TRERF1: variants seen among roughly 807,000 people sequenced by gnomAD.
TRERF1 encodes transcriptional-regulating factor 1.
Under a neutral mutation model 122.9 loss-of-function variants are expected in TRERF1, and 27 were observed. The ratio of observed to expected loss-of-function variants is 0.22; its 90% CI spans 0.16 to 0.30. TRERF1 has a LOEUF of 0.30. TRERF1 is among the 10% of genes least tolerant of loss of function. TRERF1 has a pLI of 1.00. For missense variants in TRERF1, 1,248 were observed against 1,560.3 expected, an observed-to-expected ratio of 0.80 and a Z score of 3.37; for synonymous variants, 636 against 641.7, an observed-to-expected ratio of 0.99 and a Z score of 0.13.
intron 3 of TRERF1, among the ~76,000 whole-genome samples, chr6:42,352,180 A>C (rs1769587538): frequency 6.6e-6 from 1 of 151,934 alleles, no homozygotes; most frequent in Non-Finnish European, 1.5e-5. Flanking sequence ...TTTTTTATGG[A>C]GATGGGGTTT....
intron 2 of TRERF1, among the ~76,000 whole-genome samples, chr6:42,447,617 A>G (rs1294677961): frequency 2.0e-4 from 31 of 152,202 alleles, no homozygotes; most frequent in Non-Finnish European, 8.8e-5. Flanking sequence ...GCTGAATTCA[A>G]CCGCCTTTAG....
At chr6:42,375,277 G>T (rs373840434) in intron 2 of TRERF1, among the ~76,000 whole-genome samples, 1 of 152,166 alleles carries the variant, frequency 6.6e-6, no homozygotes, top group Non-Finnish European at 1.5e-5. Flanking sequence ...ATGCAAGCCC[G>T]AAATCCAAGA....
At chr6:42,284,844 G>A (rs1347155097) in intron 4 of TRERF1, among the ~76,000 whole-genome samples, 5 of 152,192 alleles carry the variant, frequency 3.3e-5, no homozygotes, top group Non-Finnish European at 7.3e-5. Context: ...GCATTCAAAT[G>A]TCAGGTAAGT....
chr6:42,371,157 G>T (rs1263383913), intron 2 of TRERF1, among the ~76,000 whole-genome samples: 1 of 152,184 alleles, frequency 6.6e-6, no homozygotes, highest in Non-Finnish European at 1.5e-5. Flanking sequence ...AGAACTGAGA[G>T]TTCAAAGGCC....
intron 4 of TRERF1, among the ~76,000 whole-genome samples, chr6:42,288,255 C>G (rs966673719): frequency 1.3e-5 from 2 of 151,860 alleles, no homozygotes; most frequent in African/African-American, 4.8e-5. Context: ...TAATTTTACA[C>G]CTGTCATGAG....
chr6:42,283,435 G>A (rs1282878479), intron 4 of TRERF1, among the ~76,000 whole-genome samples: 1 of 152,054 alleles, frequency 6.6e-6, no homozygotes, highest in Non-Finnish European at 1.5e-5. Context: ...AATCTGGAAG[G>A]ATCCAAGAAA....
chr6:42,263,691 G>A lies in TRERF1; in HGVS notation c.1636-123C>T, dbSNP rs1207759846. 6.2e-6 allele frequency: 8 copies of A among 1,281,278 alleles called. No individual in the cohort carries two copies. The highest frequency in any genetic ancestry group is 3.0e-5 in the Admixed American group (1 of 33,256). The allele number at this position is 1,281,278 out of a possible 1,614,324, so 79.4% of individuals were successfully genotyped here. The stretch of plus-strand genomic sequence containing the variant: ...GGGTGATAGAGAACCGCTGCAGGGC[G>A]ATTTCCTTCCTGCAATCCTGAGTCC... On this transcript the variant is annotated intron_variant, in intron 7 of 17. Coordinates refer to ENST00000372922, the Ensembl canonical transcript of TRERF1. This position sits in a 1 kb window ranked among gnomAD's most constrained non-coding sequence, Gnocchi z 5.6.
In TRERF1 at chr6:42,228,602, T is replaced by G; in HGVS notation, c.3346A>C (p.Arg1116=). 6.2e-7 allele frequency: 1 copy of G among 1,614,166 alleles called. No homozygotes were observed. Among genetic ancestry groups the G allele is most frequent in the African/African-American group, 1.3e-5 (1 of 75,064 alleles). The change falls in exon 18 of 18, where the codon AGG becomes CGG. Residue 1116 remains arginine, a synonymous_variant. Coordinates refer to ENST00000372922, the Ensembl canonical transcript of TRERF1. This position sits in a 1 kb window ranked among gnomAD's most constrained non-coding sequence, Gnocchi z 4.2. ...AAAGCCGCCTTCTGAGCCTTTTGCC[T>G]CTGTTGTTCCTCCTGCTGCCTGTGA... is the stretch of plus-strand genomic sequence containing the variant.
intron 13 of TRERF1, among the ~76,000 whole-genome samples, chr6:42,251,916 A>AT (rs1561828819): frequency 6.6e-6 from 1 of 152,208 alleles, no homozygotes. Flanking sequence ...GACCAGTTCA[A>AT]TGAAAAAAAT....
chr6:42,361,663 A>T (rs956530694), intron 3 of TRERF1, among the ~76,000 whole-genome samples: 13 of 152,228 alleles, frequency 8.5e-5, no homozygotes, highest in Non-Finnish European at 1.3e-4. Context: ...TCACTCAAAC[A>T]TACACAAAAG....
At position 42,237,517 on chromosome 6, in the gene TRERF1, G is replaced by A. The variant is rs557388658; in HGVS notation, c.2860-1106C>T. ...CGAATAGGCTGTAAACAGACCTGTC[G>A]TTTTATAAACGAGGAAGGAAAAGGC... On this transcript the variant is annotated intron_variant, in intron 15 of 17. Coordinates refer to ENST00000372922, the Ensembl canonical transcript of TRERF1. Among the ~76,000 whole-genome samples the A allele has an allele frequency of 8.3e-4, 126 of 152,288 alleles. 5 individuals are homozygous for A. In the South Asian group the frequency reaches 0.02, roughly 24 times the overall value.
At chr6:42,265,917 T>G in intron 5 of TRERF1, 120 bp from the exon 6 acceptor site, 1 of 1,041,772 alleles carries the variant, frequency 9.6e-7, no homozygotes, top group South Asian at 1.4e-5. Flanking sequence ...TGCTGTCTGC[T>G]TCGTGCTGAC....
At chr6:42,245,126 G>A (rs1774530436) in intron 14 of TRERF1, among the ~76,000 whole-genome samples, 2 of 152,326 alleles carry the variant, frequency 1.3e-5, no homozygotes, top group South Asian at 2.1e-4. Context: ...AGGTTGCCTG[G>A]TAAGCTCAAT....
rs767993710 is a variant in TRERF1, at chr6:42,269,510, G to A, written c.81C>T (p.Gly27=). 8 of 1,614,226 alleles carry A rather than the reference G, an allele frequency of 5.0e-6. No individual in the cohort carries two copies. The highest frequency in any genetic ancestry group is 2.2e-5 in the South Asian group (2 of 91,088). The change falls in exon 5 of 18, where the codon GGC becomes GGT. Residue 27 remains glycine (G), a synonymous_variant. Transcript: ENST00000372922. The surrounding 1 kb of genome is among the most constrained non-coding windows in gnomAD (Gnocchi z 4.9). ...AGTTGTGGTTCAGCCCGCTGTGGAC[G>A]CCAAGTGGTGGCTGTTGGTAGAAAA...
At chr6:42,310,837 C>T (rs1333420135) in intron 3 of TRERF1, among the ~76,000 whole-genome samples, 1 of 152,154 alleles carries the variant, frequency 6.6e-6, no homozygotes, top group Non-Finnish European at 1.5e-5. Flanking sequence ...AAATGCAGAA[C>T]AAGAAGTTCT....
intron 3 of TRERF1, among the ~76,000 whole-genome samples, chr6:42,321,370 G>A (rs1763422026): frequency 6.6e-6 from 1 of 151,132 alleles, no homozygotes; most frequent in South Asian, 2.1e-4. Flanking sequence ...GGGAGAAAGG[G>A]ATATATAAAA....
At chr6:42,443,966 G>A (rs1371760779) in intron 2 of TRERF1, among the ~76,000 whole-genome samples, 1 of 152,100 alleles carries the variant, frequency 6.6e-6, no homozygotes. Flanking sequence ...AAGAGGAGAG[G>A]TGAAGATGGT....
intron 2 of TRERF1, among the ~76,000 whole-genome samples, chr6:42,394,606 T>C (rs907126840): frequency 3.3e-5 from 5 of 152,168 alleles, no homozygotes; most frequent in East Asian, 1.9e-4. Context: ...AAATGGTCTA[T>C]AGATGCTTAA....
chr6:42,352,307 G>T (rs1769619774), intron 3 of TRERF1, among the ~76,000 whole-genome samples: 1 of 152,192 alleles, frequency 6.6e-6, no homozygotes, highest in Admixed American at 6.5e-5. Context: ...ATAATTTCGT[G>T]CTTTAATGGT....
Sources: gnomAD v4.1 joint callset for allele counts (sites outside exome capture counted in the v4.1 genomes callset) on GRCh38, gnomAD v4.1.1 for gene constraint, Gnocchi (gnomAD v3.1) non-coding constraint, MANE v1.5 for transcripts, NCBI Gene and HGNC (gene_info 2026-07-23, HGNC 2026-07-21) for gene names.